The following HLF variants were observed in gnomAD, a reference collection of about 807,000 sequenced individuals.
HLF encodes the protein hepatic leukemia factor.
HLF carries 3 observed loss-of-function variants against 22.6 expected under a neutral mutation model. That is an observed-to-expected ratio of 0.13 (90% CI 0.06 to 0.34). The LOEUF (loss-of-function observed/expected upper bound fraction) is 0.34. HLF is among the 10% of genes least tolerant of loss of function. HLF has a pLI of 1.00. For synonymous variants in HLF, 151 were observed against 151.8 expected (o/e 0.99, Z 0.04); for missense variants, 299 against 389.2 (o/e 0.77, Z 1.95).
At position 55,265,145 on chromosome 17, in the gene HLF, C is replaced by G. The variant is rs1008910795; in HGVS notation, c.-340C>G. 1 of 219,074 alleles carries G rather than the reference C, an allele frequency of 4.6e-6. No homozygotes were observed. The highest frequency in any genetic ancestry group is 7.0e-5 in the East Asian group (1 of 14,262). The allele number at this position is 219,074 out of a possible 1,614,324, so 13.6% of individuals were successfully genotyped here. A position where few individuals can be genotyped will look rare whatever the true frequency, so the allele number is the denominator to read the frequency against. ...GTGTCTTCTGCCCTTCTGCAGCCGT[C>G]GACATTTTTTTTTCTTTCTTTTTTT... On this transcript the variant is annotated 5_prime_UTR_variant, in exon 1 of 4. Coordinates refer to ENST00000226067, the MANE Select transcript of HLF (RefSeq NM_002126.5).
intron 2 of HLF, 61 bp downstream of exon 2, chr17:55,268,147 G>C: frequency 8.2e-7 from 1 of 1,219,492 alleles, no homozygotes; most frequent in South Asian, 1.5e-5. Context: ...GGACAGGCAA[G>C]GTAGAGTTAG....
chr17:55,279,244 C>G lies in HLF; in HGVS notation c.451+11158C>G, dbSNP rs1442592621. Among the ~76,000 whole-genome samples, 7 of 152,078 alleles carry G rather than the reference C, an allele frequency of 4.6e-5. No individual in the cohort carries two copies. The South Asian group carries it at 1.5e-3, about 32-fold the overall frequency. ...CCAGATAATGATATTTAGTTATTGG[C>G]TTCCTGGAAGACTGATGACAGGAAG... On this transcript the variant is annotated intron_variant, in intron 2 of 3. Coordinates refer to ENST00000226067, the MANE Select transcript of HLF (RefSeq NM_002126.5).
chr17:55,265,460 G>T lies in HLF; in HGVS notation c.-25G>T. On this transcript the variant is annotated 5_prime_UTR_variant, in exon 1 of 4. It adds an upstream start codon to the 5' untranslated region. Transcript: ENST00000226067. ...GTTTCTTTCTTATTTCTTTTTTTAA[G>T]GGGAAAAAATTTGAGTGCATCGCGA... The T allele has an allele frequency of 8.8e-6, 12 of 1,361,542 alleles. No homozygotes were observed. Among genetic ancestry groups the T allele is most frequent in the Non-Finnish European group, 1.3e-5 (12 of 955,924 alleles). The allele number at this position is 1,361,542 out of a possible 1,614,324, so 84.3% of individuals were successfully genotyped here. A position where few individuals can be genotyped will look rare whatever the true frequency, so the allele number is the denominator to read the frequency against.
chr17:55,304,448 G>A (rs1276099870), intron 2 of HLF, among the ~76,000 whole-genome samples: 2 of 152,208 alleles, frequency 1.3e-5, no homozygotes, highest in Non-Finnish European at 2.9e-5. Context: ...CTGTGGTTAT[G>A]AGTTCCGCTG....
chr17:55,288,903 C>T, intron 2 of HLF: 1 of 985,288 alleles, frequency 1.0e-6, no homozygotes, highest in African/African-American at 1.7e-5. Context: ...AAGTCAGCAG[C>T]TCCAGCCTGC....
intron 2 of HLF, among the ~76,000 whole-genome samples, chr17:55,285,837 C>T (rs1453675045): frequency 6.6e-6 from 1 of 152,216 alleles, no homozygotes; most frequent in Non-Finnish European, 1.5e-5. Flanking sequence ...TGTTGTTTGC[C>T]TCTTATGAGT....
At chr17:55,318,894 G>C (rs918579166) in intron 3 of HLF, 1 of 152,310 alleles carries the variant, frequency 6.6e-6, no homozygotes, top group African/African-American at 2.4e-5. Context: ...TCATTGACTC[G>C]CCTGACTCCT....
chr17:55,276,756 T>C (rs1390819126), intron 2 of HLF, among the ~76,000 whole-genome samples: 4 of 152,224 alleles, frequency 2.6e-5, no homozygotes, highest in South Asian at 2.1e-4. Flanking sequence ...GCTTGAACTT[T>C]ATCCAGTAGG....
intron 2 of HLF, among the ~76,000 whole-genome samples, chr17:55,277,012 A>G (rs1406394368): frequency 1.3e-5 from 2 of 152,214 alleles, no homozygotes; most frequent in African/African-American, 4.8e-5. Context: ...GGTTTCATTT[A>G]TAAAACCCAT....
Position 55,322,144 on chromosome 17 carries a change from G to A in HLF, c.*1265G>A, listed in dbSNP as rs79984716. On this transcript the variant is annotated 3_prime_UTR_variant, in exon 4 of 4. Coordinates refer to ENST00000226067, the MANE Select transcript of HLF (RefSeq NM_002126.5). Reference sequence around the variant, plus strand: ...TCTTATTCTCTGTTTGCTTTTGAACGTATGTGCTCTTATAAAGTGGACTTC... The same window carrying A: ...TCTTATTCTCTGTTTGCTTTTGAACATATGTGCTCTTATAAAGTGGACTTC... 0.02 allele frequency: 4,102 copies of A among 203,180 alleles called. 65 individuals carry two copies. The highest frequency in any genetic ancestry group is 0.049 in the South Asian group (254 of 5,226). The allele number at this position is 203,180 out of a possible 1,614,324, so 12.6% of individuals were successfully genotyped here. A position where few individuals can be genotyped will look rare whatever the true frequency, so the allele number is the denominator to read the frequency against.
Position 55,323,946 on chromosome 17 carries a change from G to T in HLF, c.*3067G>T, listed in dbSNP as rs960182778. 8.3e-5 allele frequency: 19 copies of T among 228,874 alleles called. No individual in the cohort carries two copies. Among genetic ancestry groups the T allele is most frequent in the Non-Finnish European group, 1.3e-4 (15 of 115,480 alleles). The allele number at this position is 228,874 out of a possible 1,614,324, so 14.2% of individuals were successfully genotyped here. On this transcript the variant is annotated 3_prime_UTR_variant, in exon 4 of 4. Transcript: ENST00000226067. ...GGAACAGCTTAGGACCTCCTGATGAGGTCACATTGTTGTTTCTTTTAACTA... is the reference window on the plus strand; with the variant it reads ...GGAACAGCTTAGGACCTCCTGATGATGTCACATTGTTGTTTCTTTTAACTA...
In HLF at chr17:55,320,608, G is replaced by A. The variant is rs1247189577; in HGVS notation, c.673-56G>A. 7.8e-6 allele frequency: 12 copies of A among 1,546,566 alleles called. No individual in the cohort carries two copies. In the Admixed American group the frequency reaches 2.1e-4, roughly 27 times the overall value. ...CCTGCCCGTGCCCTGGCTGGCACTG[G>A]GCTTTGCTGAAATCTAATATCTTGT... On this transcript the variant is annotated intron_variant, in intron 3 of 3. Transcript: ENST00000226067. This position sits in a 1 kb window ranked among gnomAD's most constrained non-coding sequence, Gnocchi z 4.2.
intron 2 of HLF, among the ~76,000 whole-genome samples, chr17:55,304,376 C>T (rs779726359): frequency 2.1e-4 from 32 of 152,164 alleles, no homozygotes; most frequent in Non-Finnish European, 7.3e-5. Context: ...GCTCATGGGC[C>T]ACGTGCCTCG....
intron 2 of HLF, among the ~76,000 whole-genome samples, chr17:55,295,539 C>T (rs1439479094): frequency 6.6e-6 from 1 of 152,246 alleles, no homozygotes; most frequent in Middle Eastern, 3.2e-3. Flanking sequence ...GCAACAGAAC[C>T]ACACGTCTCA....
At chr17:55,282,098 A>T (rs554159710) in intron 2 of HLF, among the ~76,000 whole-genome samples, 2 of 152,348 alleles carry the variant, frequency 1.3e-5, no homozygotes, top group Admixed American at 6.5e-5. Flanking sequence ...CAGGATTGTC[A>T]TGCAAGTTAA....
intron 2 of HLF, among the ~76,000 whole-genome samples, chr17:55,292,358 G>A (rs887314412): frequency 4.6e-5 from 7 of 152,248 alleles, no homozygotes; most frequent in South Asian, 2.1e-4. Flanking sequence ...CACCCTGATC[G>A]ATTAGTAGCC....
At chr17:55,317,714 G>A (rs529407044) in intron 3 of HLF, among the ~76,000 whole-genome samples, 1 of 152,330 alleles carries the variant, frequency 6.6e-6, no homozygotes, top group East Asian at 1.9e-4. Flanking sequence ...GGAGGAGAAG[G>A]TGTTTCTGGC....
At chr17:55,274,799 A>G (rs369642593) in intron 2 of HLF, among the ~76,000 whole-genome samples, 27 of 152,368 alleles carry the variant, frequency 1.8e-4, no homozygotes, top group Middle Eastern at 3.4e-3. Flanking sequence ...AGTGCCTCGC[A>G]CACAGCAAGT....
At chr17:55,298,740 A>C (rs1458303815) in intron 2 of HLF, among the ~76,000 whole-genome samples, 1 of 152,186 alleles carries the variant, frequency 6.6e-6, no homozygotes, top group African/African-American at 2.4e-5. Context: ...AGTAGGTTTA[A>C]TAAACCCCAT....
Sources: gnomAD v4.1 joint callset for allele counts (sites outside exome capture counted in the v4.1 genomes callset) on GRCh38, gnomAD v4.1.1 for gene constraint, Gnocchi (gnomAD v3.1) non-coding constraint, MANE v1.5 for transcripts, NCBI Gene and HGNC (gene_info 2026-07-23, HGNC 2026-07-21) for gene names.